Variants in KCNQ3 observed in about 807,000 individuals in gnomAD.
KCNQ3 encodes potassium voltage-gated channel subfamily Q member 3, also known as potassium voltage-gated channel subfamily KQT member 3.
Under a neutral mutation model 92.5 loss-of-function variants are expected in KCNQ3, and 30 were observed. The ratio of observed to expected loss-of-function variants is 0.32; its 90% confidence interval spans 0.24 to 0.44. The LOEUF (loss-of-function observed/expected upper bound fraction) is 0.44, where lower values mean the gene tolerates loss of function less well. Among genes scored for constraint, KCNQ3 ranks in the 20% least tolerant of loss-of-function variants. The pLI is 1.00. For missense variants in KCNQ3, 913 were observed against 1,140.3 expected (o/e 0.80, Z 2.87); for synonymous variants, 450 against 468.8 (o/e 0.96, Z 0.52).
chr8:132,480,384 A>G lies in KCNQ3; in HGVS notation c.149T>C (p.Val50Ala). The G allele has an allele frequency of 6.4e-7, 1 of 1,559,966 alleles. No homozygotes were observed. Among genetic ancestry groups the G allele is most frequent in the South Asian group, 1.2e-5 (1 of 86,042 alleles). ...CCCGAGCGCCAAGGTGACTTGCTCC[A>G]CGTCGCCGGGCGCCAGCCCCACTTT... is the stretch of plus-strand genomic sequence containing the variant. Reference protein sequence around the residue: ...ERKVGLAPGDVEQVTLALGAG... With the variant: ...ERKVGLAPGDAEQVTLALGAG... Residue 50 changes from valine (V) to alanine (A), a missense_variant, in exon 1 of 15, where the codon GTG (valine) becomes GCG (alanine). Coordinates refer to ENST00000388996, the MANE Select transcript of KCNQ3 (RefSeq NM_004519.4).
At chr8:132,450,955 G>A (rs141322481) in intron 1 of KCNQ3, among the ~76,000 whole-genome samples, 73 of 152,306 alleles carry the variant, frequency 4.8e-4, no homozygotes, top group African/African-American at 1.7e-3. Flanking sequence ...TAGAAATAAC[G>A]TCTGTGATGC....
intron 1 of KCNQ3, among the ~76,000 whole-genome samples, chr8:132,343,342 C>T (rs747252929): frequency 2.6e-5 from 4 of 152,160 alleles, no homozygotes; most frequent in Admixed American, 1.3e-4. Context: ...CATGACACTG[C>T]CTGTATTATA....
intron 1 of KCNQ3, among the ~76,000 whole-genome samples, chr8:132,362,567 C>T (rs1255119545): frequency 6.6e-6 from 1 of 152,132 alleles, no homozygotes; most frequent in Admixed American, 6.5e-5. Flanking sequence ...GACAAATGTT[C>T]TAGCAGGGGT....
At chr8:132,430,680 A>T (rs2130823338) in intron 1 of KCNQ3, among the ~76,000 whole-genome samples, 1 of 152,380 alleles carries the variant, frequency 6.6e-6, no homozygotes, top group Non-Finnish European at 1.5e-5. Context: ...GTTCCTCCCC[A>T]TGCAGACAGA....
chr8:132,167,426 A>G (rs1366252084), intron 8 of KCNQ3, among the ~76,000 whole-genome samples: 2 of 152,220 alleles, frequency 1.3e-5, no homozygotes, highest in East Asian at 3.8e-4. Flanking sequence ...CTTTTATGGT[A>G]TATAAAATCC....
intron 1 of KCNQ3, among the ~76,000 whole-genome samples, chr8:132,456,890 G>A (rs1821954850): frequency 6.6e-6 from 1 of 152,146 alleles, no homozygotes; most frequent in Non-Finnish European, 1.5e-5. Flanking sequence ...TGGGATTATA[G>A]GCATAAGCCA....
intron 1 of KCNQ3, among the ~76,000 whole-genome samples, chr8:132,215,329 G>C (rs1337193678): frequency 1.3e-5 from 2 of 152,208 alleles, no homozygotes; most frequent in African/African-American, 4.8e-5. Context: ...GTATGGAAGA[G>C]AGAAAAATAT....
chr8:132,134,400 A>G lies in KCNQ3; in HGVS notation c.1701-12T>C. On this transcript the variant is annotated splice_polypyrimidine_tract_variant and intron_variant, in intron 12 of 14. Transcript: ENST00000388996. ...AAATCATATCTATTCTGAAAGAAAC[A>G]AACAGAGCAGGGATTAAATTACACA... 1 of 1,561,532 alleles carries G rather than the reference A, an allele frequency of 6.4e-7. No individual in the cohort carries two copies. The highest frequency in any genetic ancestry group is 8.8e-7 in the Non-Finnish European group (1 of 1,132,218).
At chr8:132,208,988 AAAG>A (rs1343370468) in intron 1 of KCNQ3, among the ~76,000 whole-genome samples, 4 of 152,136 alleles carry the variant, frequency 2.6e-5, no homozygotes, top group African/African-American at 4.8e-5. Context: ...GGGCTATTGC[AAAG>A]GAGGCAGACA....
At chr8:132,299,869 G>A (rs1007021635) in intron 1 of KCNQ3, among the ~76,000 whole-genome samples, 1 of 152,196 alleles carries the variant, frequency 6.6e-6, no homozygotes, top group Non-Finnish European at 1.5e-5. Flanking sequence ...CTCAATGCCA[G>A]GCAATGACAG....
At chr8:132,227,813 G>A (rs1212776479) in intron 1 of KCNQ3, among the ~76,000 whole-genome samples, 1 of 152,104 alleles carries the variant, frequency 6.6e-6, no homozygotes, top group Admixed American at 6.6e-5. Flanking sequence ...GAACCAAATG[G>A]CAATTAGAAC....
At chr8:132,435,047 A>G (rs796745175) in intron 1 of KCNQ3, among the ~76,000 whole-genome samples, 12 of 152,272 alleles carry the variant, frequency 7.9e-5, no homozygotes, top group African/African-American at 2.9e-4. Context: ...GCAGCCACCT[A>G]GGTCAGGGGT....
chr8:132,156,310 T>C (rs538595169), intron 9 of KCNQ3, among the ~76,000 whole-genome samples: 1 of 151,934 alleles, frequency 6.6e-6, no homozygotes, highest in South Asian at 2.1e-4. Context: ...GACAAGAACA[T>C]GGAGACACAG....
At chr8:132,428,851 C>T (rs529032490) in intron 1 of KCNQ3, among the ~76,000 whole-genome samples, 18 of 152,014 alleles carry the variant, frequency 1.2e-4, no homozygotes, top group Non-Finnish European at 2.6e-4. Flanking sequence ...GAAAAAGAGA[C>T]CACCCTTCCT....
intron 1 of KCNQ3, among the ~76,000 whole-genome samples, chr8:132,410,050 G>A (rs1430085480): frequency 6.6e-6 from 1 of 152,152 alleles, no homozygotes; most frequent in African/African-American, 2.4e-5. Flanking sequence ...GATCGCTTGA[G>A]CCCAGGAGGT....
At chr8:132,253,281 C>A (rs762444064) in intron 1 of KCNQ3, among the ~76,000 whole-genome samples, 1 of 152,202 alleles carries the variant, frequency 6.6e-6, no homozygotes. Context: ...ACTCCTGGCT[C>A]TACATCTAGC....
At chr8:132,447,955 C>T (rs781570865) in intron 1 of KCNQ3, among the ~76,000 whole-genome samples, 2 of 152,190 alleles carry the variant, frequency 1.3e-5, no homozygotes, top group Non-Finnish European at 2.9e-5. Context: ...CACACTACAG[C>T]GTAACCAAAT....
chr8:132,415,080 T>C (rs987523110), intron 1 of KCNQ3, among the ~76,000 whole-genome samples: 3 of 152,168 alleles, frequency 2.0e-5, no homozygotes, highest in Non-Finnish European at 2.9e-5. Flanking sequence ...TTAAAGGCCA[T>C]CAAAGCTAGC....
At chr8:132,175,972 G>A (rs16904621) in intron 4 of KCNQ3, among the ~76,000 whole-genome samples, 12,004 of 152,146 alleles carry the variant, frequency 0.079, 601 homozygotes, top group African/African-American at 0.11. Flanking sequence ...GCAGGACTGC[G>A]TAGAGCAAGG....
Sources: allele counts gnomAD v4.1 joint callset (sites outside exome capture counted in the v4.1 genomes callset), GRCh38; gene constraint gnomAD v4.1.1; transcripts MANE v1.5; gene names NCBI Gene and HGNC (gene_info 2026-07-23, HGNC 2026-07-21).